The following PTPRJ variants were observed in gnomAD, a reference collection of about 807,000 sequenced individuals.
PTPRJ encodes receptor-type tyrosine-protein phosphatase eta.
A neutral mutation model predicts 141.3 loss-of-function variants in PTPRJ; 129 were observed. That is an observed-to-expected ratio of 0.91 (90% CI 0.79 to 1.06). PTPRJ has a LOEUF of 1.06. PTPRJ is among the 50% of genes least tolerant of loss of function. The probability of loss-of-function intolerance (pLI) is 0.00; values close to 1 mark genes in which losing one functional copy is unlikely to be tolerated. For missense variants in PTPRJ, 1,601 were observed against 1,679.7 expected (o/e 0.95, Z 0.82); for synonymous variants, 610 against 640.5 (o/e 0.95, Z 0.72).
chr11:48,020,201 C>A (rs1855076871), intron 1 of PTPRJ, among the ~76,000 whole-genome samples: 1 of 152,132 alleles, frequency 6.6e-6, no homozygotes, highest in Admixed American at 6.5e-5. Context: ...TAGTGGCGAT[C>A]CAAAGACATT....
At chr11:48,038,066 C>T (rs1387451806) in intron 1 of PTPRJ, among the ~76,000 whole-genome samples, 1 of 152,006 alleles carries the variant, frequency 6.6e-6, no homozygotes, top group Non-Finnish European at 1.5e-5. Context: ...GCCTCTTGGT[C>T]TGCTGCTCTC....
intron 14 of PTPRJ, among the ~76,000 whole-genome samples, chr11:48,145,612 G>A (rs1857333331): frequency 1.5e-5 from 2 of 133,574 alleles, no homozygotes; most frequent in South Asian, 5.2e-4. Context: ...AGGCTGGAGT[G>A]CAGTGGCACG....
intron 1 of PTPRJ, among the ~76,000 whole-genome samples, chr11:48,103,709 C>T (rs772014984): frequency 9.2e-5 from 14 of 152,138 alleles, no homozygotes; most frequent in East Asian, 1.9e-4. Flanking sequence ...ACTCTATACC[C>T]GTATGTATGG....
At chr11:48,021,420 T>TAAATAAATAAAA (rs1442709902) in intron 1 of PTPRJ, among the ~76,000 whole-genome samples, 1 of 96,352 alleles carries the variant, frequency 1.0e-5, no homozygotes, top group African/African-American at 6.9e-5. Flanking sequence ...AATAAATAAA[T>TAAATAAATAAAA]AAAATAAAAT....
chr11:48,115,826 G>C (rs1052426709), intron 3 of PTPRJ, among the ~76,000 whole-genome samples: 5 of 152,112 alleles, frequency 3.3e-5, no homozygotes, highest in African/African-American at 1.2e-4. Context: ...AGGTCAATTT[G>C]TGTGTGTGAT....
intron 1 of PTPRJ, among the ~76,000 whole-genome samples, chr11:48,062,522 A>G (rs12419916): frequency 1.3e-5 from 2 of 151,984 alleles, no homozygotes. Flanking sequence ...CAAAAAAAAA[A>G]CCAAAAAAAA....
chr11:48,053,244 T>A (rs1335477470), intron 1 of PTPRJ, among the ~76,000 whole-genome samples: 2 of 84,600 alleles, frequency 2.4e-5, no homozygotes, highest in African/African-American at 1.1e-4. Flanking sequence ...TATAATATAT[T>A]TATATAATAT....
intron 7 of PTPRJ, among the ~76,000 whole-genome samples, chr11:48,128,450 G>A (rs899350367): frequency 2.6e-5 from 4 of 152,112 alleles, no homozygotes; most frequent in African/African-American, 9.7e-5. Context: ...ACATTATAAC[G>A]AATCACTGGC....
chr11:48,120,976 ATTTTT>A, intron 3 of PTPRJ, 22 bp from the exon 4 acceptor site: 1 of 1,370,736 alleles, frequency 7.3e-7, no homozygotes, highest in Non-Finnish European at 9.8e-7. Context: ...AAGTGCAATA[ATTTTT>A]TTTTTTTTTT....
At chr11:48,164,346 C>CCACTGTAATAGGCTT (rs758518819) in intron 23 of PTPRJ, 34 bp from the exon 24 acceptor site, 2 of 1,607,224 alleles carry the variant, frequency 1.2e-6, no homozygotes, top group East Asian at 4.5e-5. Context: ...TCGAGGGAAC[C>CCACTGTAATAGGCTT]CACTGTAATA....
intron 1 of PTPRJ, among the ~76,000 whole-genome samples, chr11:48,033,369 C>T (rs1232189637): frequency 6.6e-6 from 1 of 152,022 alleles, no homozygotes; most frequent in Non-Finnish European, 1.5e-5. Flanking sequence ...GAGCCCGGAG[C>T]TGAGGGAGGA....
chr11:48,149,969 C>CTTTCCCTTT (rs1565328447), intron 16 of PTPRJ, 21 bp from the exon 17 acceptor site: 5 of 1,432,590 alleles, frequency 3.5e-6, no homozygotes, highest in Non-Finnish European at 2.9e-6. Context: ...CATATTTTTT[C>CTTTCCCTTT]TTTCCCTTTC....
intron 1 of PTPRJ, among the ~76,000 whole-genome samples, chr11:48,061,075 C>T (rs1854909720): frequency 1.3e-5 from 2 of 152,132 alleles, no homozygotes; most frequent in African/African-American, 2.4e-5. Flanking sequence ...ATCAATCGTT[C>T]AAGCGATTCT....
chr11:48,048,612 G>A (rs981569627), intron 1 of PTPRJ, among the ~76,000 whole-genome samples: 29 of 151,982 alleles, frequency 1.9e-4, no homozygotes, highest in African/African-American at 7.0e-4. Flanking sequence ...TGGCCAACAC[G>A]GCGAAACCCC....
chr11:48,004,853 TTTTGATGGCAATATAAAAATACCA>T (rs1237117954), intron 1 of PTPRJ, among the ~76,000 whole-genome samples: 3 of 152,184 alleles, frequency 2.0e-5, no homozygotes, highest in Non-Finnish European at 4.4e-5. Context: ...TGTTTTGTAT[TTTTGATGGCAATATAAAAATACCA>T]GCTTTGTTGA....
chr11:48,163,431 G>T (rs2270990), intron 22 of PTPRJ, 27 bp from the exon 23 acceptor site: 1,190,500 of 1,605,380 alleles, frequency 0.74, 443,863 homozygotes, highest in Admixed American at 0.8. Flanking sequence ...TTTCTGTCTG[G>T]ATCTAAATCA....
At chr11:48,087,484 GT>G (rs1196636283) in intron 1 of PTPRJ, among the ~76,000 whole-genome samples, 1 of 152,162 alleles carries the variant, frequency 6.6e-6, no homozygotes, top group Non-Finnish European at 1.5e-5. Flanking sequence ...TGTGTGTAAT[GT>G]TTGAAACTGC....
chr11:48,030,056 A>C (rs1388104158), intron 1 of PTPRJ, among the ~76,000 whole-genome samples: 1 of 152,350 alleles, frequency 6.6e-6, no homozygotes, highest in East Asian at 1.9e-4. Context: ...TGATAGAGAT[A>C]GTATAAGAAA....
chr11:48,140,228 C>G (rs1857198867), intron 11 of PTPRJ, among the ~76,000 whole-genome samples: 1 of 152,140 alleles, frequency 6.6e-6, no homozygotes, highest in Non-Finnish European at 1.5e-5. Context: ...TGGGGTTTCA[C>G]CATGTTGGCC....
Sources: gnomAD v4.1 joint callset for allele counts (sites outside exome capture counted in the v4.1 genomes callset) on GRCh38, gnomAD v4.1.1 for gene constraint, MANE v1.5 for transcripts, NCBI Gene and HGNC (gene_info 2026-07-23, HGNC 2026-07-21) for gene names.